Variants in CDH12 observed in about 807,000 individuals in gnomAD.
CDH12 encodes cadherin-12.
CDH12 carries 41 observed loss-of-function variants against 74.1 expected under a neutral mutation model. That is an observed-to-expected ratio of 0.55 (90% CI 0.43 to 0.72). The LOEUF (loss-of-function observed/expected upper bound fraction) is 0.72, where lower values mean the gene tolerates loss of function less well. CDH12 is among the 30% of genes least tolerant of loss of function. The pLI is 0.00. For missense variants in CDH12, 945 were observed against 977.2 expected (o/e 0.97, Z 0.44); for synonymous variants, 399 against 355.0 (o/e 1.12, Z -1.39).
intron 1 of CDH12, among the ~76,000 whole-genome samples, chr5:22,707,473 C>T (rs1428171311): frequency 1.3e-5 from 2 of 152,076 alleles, no homozygotes; most frequent in Non-Finnish European, 2.9e-5. Flanking sequence ...AAAGTGTATG[C>T]AGTAAGCTCA....
intron 3 of CDH12, among the ~76,000 whole-genome samples, chr5:22,318,675 G>A (rs181081082): frequency 1.3e-3 from 197 of 152,302 alleles, no homozygotes; most frequent in Non-Finnish European, 2.2e-3. Flanking sequence ...TTTTCTTCCA[G>A]GGGCCCTGTG....
intron 1 of CDH12, among the ~76,000 whole-genome samples, chr5:22,824,606 TTAAA>T (rs1749914679): frequency 6.6e-6 from 1 of 151,936 alleles, no homozygotes; most frequent in Non-Finnish European, 1.5e-5. Flanking sequence ...AACATAAGCA[TTAAA>T]TAGTCAGGGA....
chr5:22,430,846 AG>A (rs1182587598), intron 2 of CDH12, among the ~76,000 whole-genome samples: 4 of 152,002 alleles, frequency 2.6e-5, no homozygotes, highest in African/African-American at 9.7e-5. Context: ...CTTAGCAAGT[AG>A]CTCATTTCCA....
chr5:22,809,028 A>G (rs1163444198), intron 1 of CDH12, among the ~76,000 whole-genome samples: 1 of 151,836 alleles, frequency 6.6e-6, no homozygotes, highest in African/African-American at 2.4e-5. Flanking sequence ...GATAGTTTAT[A>G]AAAGACCAGA....
chr5:22,634,371 G>C (rs574481136), intron 1 of CDH12, among the ~76,000 whole-genome samples: 17 of 152,024 alleles, frequency 1.1e-4, no homozygotes, highest in Admixed American at 6.6e-4. Flanking sequence ...GACACAAATA[G>C]GTTCAAAGTA....
intron 1 of CDH12, among the ~76,000 whole-genome samples, chr5:22,840,638 T>C (rs1165506843): frequency 6.6e-6 from 1 of 152,036 alleles, no homozygotes; most frequent in Non-Finnish European, 1.5e-5. Context: ...TCTTGAAATA[T>C]ATGAGCACAC....
chr5:22,033,096 G>T (rs950313900), intron 5 of CDH12, among the ~76,000 whole-genome samples: 1 of 149,266 alleles, frequency 6.7e-6, no homozygotes, highest in African/African-American at 2.5e-5. Context: ...TTTTTTCAAT[G>T]ACAAAAGAGC....
rs767409650 is a variant in CDH12, at chr5:22,508,081, G to A, written c.-522-2717C>T. Among the ~76,000 whole-genome samples the A allele has an allele frequency of 1.9e-4, 29 of 152,166 alleles. 1 individual carries two copies. Among genetic ancestry groups the A allele is most frequent in the Admixed American group, 7.2e-4 (11 of 15,280 alleles). On this transcript the variant is annotated intron_variant, in intron 1 of 14. Coordinates refer to ENST00000382254, the MANE Select transcript of CDH12 (RefSeq NM_004061.5). ...TCAGCTAATACAGGATAATCTCCTC[G>A]TTTTAAGATCCTTTATTTAATCACA...
At chr5:22,343,323 C>CAG (rs377016972) in intron 3 of CDH12, among the ~76,000 whole-genome samples, 5,750 of 136,306 alleles carry the variant, frequency 0.042, 188 homozygotes, top group Middle Eastern at 0.099. Context: ...GACACACACA[C>CAG]AGAGAGAGAG....
chr5:22,086,603 C>T (rs769170145), intron 4 of CDH12, among the ~76,000 whole-genome samples: 3 of 151,978 alleles, frequency 2.0e-5, no homozygotes, highest in Admixed American at 6.6e-5. Context: ...GTGATCCACC[C>T]GCCTTGGCCT....
At chr5:22,283,213 TATAG>T (rs1169830549) in intron 3 of CDH12, among the ~76,000 whole-genome samples, 969 of 87,638 alleles carry the variant, frequency 0.011, 4 homozygotes, top group South Asian at 0.017. Flanking sequence ...GAGATATATA[TATAG>T]ATATATATAT....
chr5:22,596,086 C>T (rs1464948074), intron 1 of CDH12, among the ~76,000 whole-genome samples: 6 of 149,726 alleles, frequency 4.0e-5, no homozygotes, highest in African/African-American at 1.2e-4. Flanking sequence ...CCAGCCTGGG[C>T]GACAGAGCGT....
chr5:22,086,420 T>C (rs1187699002), intron 4 of CDH12, among the ~76,000 whole-genome samples: 1 of 152,102 alleles, frequency 6.6e-6, no homozygotes, highest in African/African-American at 2.4e-5. Context: ...TCTCGTCTCA[T>C]TCCAGCCTCC....
At chr5:21,967,779 C>T (rs1183914640) in intron 6 of CDH12, among the ~76,000 whole-genome samples, 1 of 152,170 alleles carries the variant, frequency 6.6e-6, no homozygotes, top group African/African-American at 2.4e-5. Flanking sequence ...GAATAAAATG[C>T]TCCCTGCCCA....
At chr5:22,433,813 T>G (rs1744268988) in intron 2 of CDH12, among the ~76,000 whole-genome samples, 1 of 152,188 alleles carries the variant, frequency 6.6e-6, no homozygotes, top group Non-Finnish European at 1.5e-5. Context: ...ACCCATTTTA[T>G]CTTTGGAAGT....
chr5:21,997,193 A>G (rs1736349200), intron 5 of CDH12, among the ~76,000 whole-genome samples: 1 of 152,046 alleles, frequency 6.6e-6, no homozygotes, highest in Non-Finnish European at 1.5e-5. Flanking sequence ...TGGGAACGAA[A>G]CTCAGGTGTC....
intron 3 of CDH12, among the ~76,000 whole-genome samples, chr5:22,273,103 G>C (rs1736474474): frequency 6.6e-6 from 1 of 152,072 alleles, no homozygotes; most frequent in African/African-American, 2.4e-5. Flanking sequence ...CAACATGTGG[G>C]GATTACAATT....
intron 6 of CDH12, among the ~76,000 whole-genome samples, chr5:21,918,975 T>A: frequency 6.6e-6 from 1 of 152,192 alleles, no homozygotes; most frequent in South Asian, 2.1e-4. Flanking sequence ...AATTAGATGC[T>A]TGAAAAGTAA....
intron 2 of CDH12, among the ~76,000 whole-genome samples, chr5:22,437,731 A>ATCAG (rs1561404104): frequency 6.6e-6 from 1 of 151,916 alleles, no homozygotes; most frequent in Non-Finnish European, 1.5e-5. Context: ...CAATCAATCA[A>ATCAG]TAAAAGGCTT....
Sources: gnomAD v4.1 joint callset for allele counts (sites outside exome capture counted in the v4.1 genomes callset) on GRCh38, gnomAD v4.1.1 for gene constraint, MANE v1.5 for transcripts, NCBI Gene and HGNC (gene_info 2026-07-23, HGNC 2026-07-21) for gene names.